SLC15A1: variants seen among roughly 807,000 people sequenced by gnomAD.
SLC15A1 encodes the protein Caco-2 oligopeptide transporter.
SLC15A1 carries 83 observed loss-of-function variants against 92.9 expected under a neutral mutation model. The ratio of observed to expected loss-of-function variants is 0.89; its 90% CI spans 0.75 to 1.07. The LOEUF is 1.07. SLC15A1 is among the 50% of genes least tolerant of loss of function. The probability of loss-of-function intolerance (pLI) is 0.00; values close to 1 mark genes in which losing one functional copy is unlikely to be tolerated. For missense variants in SLC15A1, 857 were observed against 880.1 expected, an observed-to-expected ratio of 0.97 and a Z score of 0.33; for synonymous variants, 322 against 318.2, an observed-to-expected ratio of 1.01 and a Z score of -0.13.
chr13:98,697,998 C>T (rs1288269434), intron 18 of SLC15A1, among the ~76,000 whole-genome samples: 1 of 152,074 alleles, frequency 6.6e-6, no homozygotes, highest in Non-Finnish European at 1.5e-5. Flanking sequence ...AGCTGGTAAC[C>T]TTGGAGACTG....
At chr13:98,702,967 CAAAAAAAAAAAA>C (rs535486738) in intron 17 of SLC15A1, among the ~76,000 whole-genome samples, 2 of 77,688 alleles carry the variant, frequency 2.6e-5, no homozygotes, top group African/African-American at 8.8e-5. Flanking sequence ...GATCCTGTCT[CAAAAAAAAAAAA>C]AAAAAAAAAA....
At chr13:98,743,080 T>C (rs1225718959) in intron 1 of SLC15A1, among the ~76,000 whole-genome samples, 1 of 152,196 alleles carries the variant, frequency 6.6e-6, no homozygotes, top group African/African-American at 2.4e-5. Context: ...AGTCCAGATT[T>C]CCTCTTTTTG....
At chr13:98,709,950 T>A in intron 11 of SLC15A1, 39 bp from the exon 12 acceptor site, 1 of 1,608,590 alleles carries the variant, frequency 6.2e-7, no homozygotes, top group Non-Finnish European at 8.5e-7. Context: ...TTTGGGGATG[T>A]GGGTTTTTAA....
chr13:98,692,892 C>T (rs1423581376), intron 18 of SLC15A1, among the ~76,000 whole-genome samples: 4 of 152,048 alleles, frequency 2.6e-5, no homozygotes, highest in African/African-American at 9.6e-5. Flanking sequence ...GACACACCAC[C>T]ATGCCTGGCT....
At position 98,715,970 on chromosome 13, in the gene SLC15A1, G is replaced by A; in HGVS notation, c.641-10C>T. On this transcript the variant is annotated splice_polypyrimidine_tract_variant and intron_variant, in intron 8 of 22. Coordinates refer to ENST00000376503, the MANE Select transcript of SLC15A1 (RefSeq NM_005073.4). ...CCAAGGACAAACACAACTAGATAGG[G>A]CAGAAGAAGACATGTCAGCAAAGCA... is the stretch of plus-strand genomic sequence containing the variant. 6.2e-7 allele frequency: 1 copy of A among 1,612,872 alleles called. No individual in the cohort carries two copies. Among genetic ancestry groups the A allele is most frequent in the Non-Finnish European group, 8.5e-7 (1 of 1,178,878 alleles).
Position 98,708,726 on chromosome 13 carries a change from A to G in SLC15A1, c.1109T>C (p.Met370Thr), listed in dbSNP as rs745350993. The G allele has an allele frequency of 3.1e-6, 5 of 1,613,608 alleles. No individual in the cohort carries two copies. The highest frequency in any genetic ancestry group is 1.1e-5 in the South Asian group (1 of 90,970). The change falls in exon 15 of 23, where the codon ATG becomes ACG. Residue 370 changes from methionine (M) to threonine (T), a missense_variant. Met to Thr is a moderately conservative substitution (Grantham distance 81). Coordinates refer to ENST00000376503, the MANE Select transcript of SLC15A1 (RefSeq NM_005073.4). ...KMAVGMVLAS[M>T]AFVVAAIVQV... ...CACGATGGCAGCCACCACAAAGGCC[A>G]TGGAGGCCAGGACCATGCCAACTGC...
rs8187837 is a variant in SLC15A1 at position 98,706,292 on chromosome 13, A to G, written c.1150-39T>C. The stretch of plus-strand genomic sequence containing the variant: ...AAGAAAATTGGCAGTGAGGTCTTCA[A>G]TACAACATGGAAAGTCATCTTAACC... On this transcript the variant is annotated intron_variant, in intron 15 of 22. Transcript: ENST00000376503. 97 of 1,603,608 alleles carry G rather than the reference A, an allele frequency of 6.0e-5. 1 individual carries two copies. The East Asian group carries it at 2.0e-3, about 32-fold the overall frequency.
chr13:98,710,385 C>T (rs1235929675), intron 11 of SLC15A1, among the ~76,000 whole-genome samples: 4 of 152,140 alleles, frequency 2.6e-5, no homozygotes, highest in Non-Finnish European at 5.9e-5. Context: ...ACCTGGGCAG[C>T]CCCTTTACAG....
At chr13:98,748,847 C>T (rs73553218) in intron 1 of SLC15A1, among the ~76,000 whole-genome samples, 110 of 152,286 alleles carry the variant, frequency 7.2e-4, no homozygotes, top group African/African-American at 2.6e-3. Context: ...CATCACACCA[C>T]GTGGGAACGT....
intron 22 of SLC15A1, 56 bp from the exon 23 acceptor site, chr13:98,684,971 CT>C: frequency 1.4e-6 from 2 of 1,443,012 alleles, no homozygotes; most frequent in Admixed American, 2.0e-5. Context: ...ACAGGTCATA[CT>C]GATGAATATA....
At chr13:98,717,632 A>G (rs2088221484) in intron 8 of SLC15A1, among the ~76,000 whole-genome samples, 1 of 152,216 alleles carries the variant, frequency 6.6e-6, no homozygotes, top group Non-Finnish European at 1.5e-5. Flanking sequence ...CGGTGGCAGT[A>G]TGGGAAGAAC....
intron 18 of SLC15A1, among the ~76,000 whole-genome samples, chr13:98,695,548 C>A (rs567959303): frequency 1.3e-5 from 2 of 152,142 alleles, no homozygotes; most frequent in South Asian, 4.2e-4. Flanking sequence ...ACACACCATG[C>A]CCAGCTAATG....
intron 1 of SLC15A1, among the ~76,000 whole-genome samples, chr13:98,738,293 G>A (rs1413300821): frequency 6.6e-6 from 1 of 152,278 alleles, no homozygotes; most frequent in African/African-American, 2.4e-5. Flanking sequence ...CAAGCAGGCT[G>A]TGGAGCAACC....
intron 7 of SLC15A1, among the ~76,000 whole-genome samples, chr13:98,720,290 T>G (rs1456509103): frequency 1.3e-5 from 2 of 152,240 alleles, no homozygotes; most frequent in Non-Finnish European, 2.9e-5. Flanking sequence ...TCACTTTATA[T>G]TTGTAAGAGA....
At chr13:98,738,607 T>A (rs1329287471) in intron 1 of SLC15A1, among the ~76,000 whole-genome samples, 2 of 152,232 alleles carry the variant, frequency 1.3e-5, no homozygotes, top group African/African-American at 4.8e-5. Flanking sequence ...GGTTTCCACA[T>A]GGTGTTAAGC....
At chr13:98,714,225 C>T (rs1040504438) in intron 9 of SLC15A1, among the ~76,000 whole-genome samples, 2 of 151,938 alleles carry the variant, frequency 1.3e-5, no homozygotes, top group Non-Finnish European at 2.9e-5. Context: ...TTGGTAAGGT[C>T]CCCTCTTTGC....
intron 1 of SLC15A1, among the ~76,000 whole-genome samples, chr13:98,733,266 G>C (rs1223572478): frequency 6.6e-6 from 1 of 152,136 alleles, no homozygotes; most frequent in Non-Finnish European, 1.5e-5. Flanking sequence ...TGGTTTTTTT[G>C]TTACAGCAGT....
At chr13:98,689,338 G>A (rs1593978438) in intron 18 of SLC15A1, among the ~76,000 whole-genome samples, 2 of 152,194 alleles carry the variant, frequency 1.3e-5, no homozygotes, top group South Asian at 4.1e-4. Flanking sequence ...CTTCTTTAGG[G>A]GGTTGAGGAG....
intron 22 of SLC15A1, among the ~76,000 whole-genome samples, chr13:98,685,823 TA>T (rs1240233840): frequency 6.6e-5 from 10 of 152,022 alleles, no homozygotes; most frequent in African/African-American, 2.4e-4. Flanking sequence ...CTGTCTCTAC[TA>T]AAAATACAAA....
Sources: gnomAD v4.1 joint callset for allele counts (sites outside exome capture counted in the v4.1 genomes callset) on GRCh38, gnomAD v4.1.1 for gene constraint, MANE v1.5 for transcripts, NCBI Gene and HGNC (gene_info 2026-07-23, HGNC 2026-07-21) for gene names.